The following UBR3 variants were observed in gnomAD, a reference collection of about 807,000 sequenced individuals.
UBR3 encodes ubiquitin protein ligase E3 component n-recognin 3.
In UBR3, 85 loss-of-function variants were observed where a neutral mutation model predicts 243.2. That is an observed-to-expected ratio of 0.35 (90% CI 0.29 to 0.42). The LOEUF (loss-of-function observed/expected upper bound fraction) is 0.42, where lower values mean the gene tolerates loss of function less well. Ranked by LOEUF, UBR3 falls within the 10% of genes least tolerant of loss-of-function variation. UBR3 has a pLI of 1.00. For missense variants in UBR3, 1,686 were observed against 2,300.8 expected (o/e 0.73, Z 5.47); for synonymous variants, 748 against 799.8 (o/e 0.94, Z 1.09).
intron 31 of UBR3, among the ~76,000 whole-genome samples, chr2:170,039,796 A>C (rs886744551): frequency 6.6e-6 from 1 of 152,216 alleles, no homozygotes; most frequent in Non-Finnish European, 1.5e-5. Context: ...AAAGGCATTT[A>C]AAAAATTCTT....
chr2:169,950,130 G>A (rs1288413673), intron 23 of UBR3, 65 bp downstream of exon 23: 6 of 1,413,974 alleles, frequency 4.2e-6, no homozygotes. Flanking sequence ...TCTTCCTTTT[G>A]GTCATTTGAG....
chr2:169,882,348 G>A (rs1305056311), intron 5 of UBR3, among the ~76,000 whole-genome samples: 6 of 24,888 alleles, frequency 2.4e-4, no homozygotes, highest in African/African-American at 4.1e-4. Context: ...TAATATATAT[G>A]TAAATATATA....
At chr2:169,879,771 A>G (rs1309213293) in intron 5 of UBR3, among the ~76,000 whole-genome samples, 2 of 152,232 alleles carry the variant, frequency 1.3e-5, no homozygotes, top group African/African-American at 4.8e-5. Flanking sequence ...GAGTAATTTA[A>G]AAAACTTATG....
chr2:169,891,010 A>T (rs2084353866), intron 5 of UBR3, among the ~76,000 whole-genome samples, 155 bp from the exon 6 acceptor site: 1 of 140,994 alleles, frequency 7.1e-6, no homozygotes, highest in Admixed American at 6.9e-5. Flanking sequence ...ATCAAAATTA[A>T]CACTAAAATA....
At chr2:170,002,803 T>C (rs911860630) in intron 27 of UBR3, among the ~76,000 whole-genome samples, 1 of 152,172 alleles carries the variant, frequency 6.6e-6, no homozygotes, top group East Asian at 1.9e-4. Context: ...CATTTTCTTA[T>C]TTTCCTATAG....
Position 169,947,611 on chromosome 2 carries a change from C to G in UBR3, c.2980C>G (p.Arg994Gly). Residue 994 changes from arginine (R) to glycine (G), a missense_variant, in exon 22 of 39, where the codon CGA becomes GGA. Physicochemically the swap from Arg to Gly is moderately radical, Grantham distance 125 (BLOSUM62 -2). This residue lies in a region of UBR3 where 300 missense variants were observed against 314.4 expected (regional missense o/e 0.95). Coordinates refer to ENST00000272793, the MANE Select transcript of UBR3 (RefSeq NM_172070.4). ...TGGCAGTAACTTAGTGTCAAACATG[C>G]GACACTTTATAAACTATGTTAGAGT... ...FPGSNLVSNM[R>G]HFINYVRVRV... The G allele has an allele frequency of 6.5e-7, 1 of 1,534,470 alleles. No individual in the cohort carries two copies. The highest frequency in any genetic ancestry group is 2.5e-5 in the East Asian group (1 of 40,060).
intron 32 of UBR3, among the ~76,000 whole-genome samples, chr2:170,049,159 G>A (rs1164224026): frequency 6.6e-6 from 1 of 152,104 alleles, no homozygotes; most frequent in Non-Finnish European, 1.5e-5. Flanking sequence ...GCCTATTGCT[G>A]ACCAGAAGCC....
chr2:170,026,390 T>C (rs2090529787), intron 30 of UBR3, among the ~76,000 whole-genome samples: 1 of 152,176 alleles, frequency 6.6e-6, no homozygotes, highest in African/African-American at 2.4e-5. Flanking sequence ...TGTATGTATC[T>C]GCCTGTATGT....
In UBR3 at chr2:170,040,991, T is replaced by C; in HGVS notation, c.4660+6T>C. The C allele has an allele frequency of 1.2e-6, 2 of 1,603,344 alleles. No homozygotes were observed. Among genetic ancestry groups the C allele is most frequent in the East Asian group, 2.2e-5 (1 of 44,670 alleles). On this transcript the variant is annotated splice_donor_region_variant and intron_variant, in intron 32 of 38. Coordinates refer to ENST00000272793, the MANE Select transcript of UBR3 (RefSeq NM_172070.4). ...GCCACAACCCTTACGCAAAGGTATG[T>C]CTTTATAATTCAGATTCTTTGATTA...
chr2:169,847,683 C>A (rs1185948637), intron 1 of UBR3, among the ~76,000 whole-genome samples: 1 of 152,066 alleles, frequency 6.6e-6, no homozygotes, highest in Non-Finnish European at 1.5e-5. Context: ...GTATTTCTTT[C>A]TAATTATTCT....
At chr2:170,029,631 A>G (rs2090618260) in intron 31 of UBR3, among the ~76,000 whole-genome samples, 183 bp downstream of exon 31, 2 of 152,100 alleles carry the variant, frequency 1.3e-5, no homozygotes, top group African/African-American at 4.8e-5. Context: ...ATTGCATACA[A>G]ATTCCCACCA....
chr2:170,038,696 T>C (rs1034173399), intron 31 of UBR3, among the ~76,000 whole-genome samples: 5 of 152,106 alleles, frequency 3.3e-5, no homozygotes, highest in African/African-American at 9.7e-5. Context: ...TCATTATGCT[T>C]TTATTGGAGG....
At chr2:169,947,795 A>T (rs2105360132) in intron 22 of UBR3, 80 bp downstream of exon 22, 1 of 1,255,396 alleles carries the variant, frequency 8.0e-7, no homozygotes, top group Non-Finnish European at 1.0e-6. Context: ...TTCCTATAAT[A>T]TCCAAAAGAA....
chr2:170,072,279 G>A (rs1330656566), intron 35 of UBR3, among the ~76,000 whole-genome samples: 1 of 152,046 alleles, frequency 6.6e-6, no homozygotes, highest in African/African-American at 2.4e-5. Context: ...GTAGGGACAT[G>A]GATGAAATTG....
intron 5 of UBR3, among the ~76,000 whole-genome samples, chr2:169,886,487 C>A (rs1169425854): frequency 6.6e-6 from 1 of 152,006 alleles, no homozygotes; most frequent in Non-Finnish European, 1.5e-5. Context: ...TCTTGTTTTG[C>A]CTTCTAGAAA....
chr2:169,956,733 A>G (rs562522879), intron 23 of UBR3, among the ~76,000 whole-genome samples: 31 of 152,260 alleles, frequency 2.0e-4, no homozygotes, highest in African/African-American at 6.5e-4. Flanking sequence ...GATTATCCCC[A>G]CTAATTTCAT....
At chr2:170,080,707 C>T in intron 38 of UBR3, 23 bp downstream of exon 38, 2 of 1,601,192 alleles carry the variant, frequency 1.2e-6, no homozygotes, top group Non-Finnish European at 1.7e-6. Flanking sequence ...TGGATATATC[C>T]AGGTGTTTTA....
intron 3 of UBR3, among the ~76,000 whole-genome samples, chr2:169,876,783 T>A (rs2083634445): frequency 6.6e-6 from 1 of 152,086 alleles, no homozygotes; most frequent in South Asian, 2.1e-4. Flanking sequence ...AGGCTGGTCT[T>A]GAGCTCCTGA....
At chr2:169,890,841 C>T (rs2084349067) in intron 5 of UBR3, among the ~76,000 whole-genome samples, 1 of 149,436 alleles carries the variant, frequency 6.7e-6, no homozygotes, top group East Asian at 1.9e-4. Flanking sequence ...TCTCTCATTC[C>T]ACCCTTTAGC....
Sources: gnomAD v4.1 joint callset for allele counts (sites outside exome capture counted in the v4.1 genomes callset) on GRCh38, gnomAD v4.1.1 for gene constraint, gnomAD v4.1.1 regional missense constraint, MANE v1.5 for transcripts, NCBI Gene and HGNC (gene_info 2026-07-23, HGNC 2026-07-21) for gene names.